The following DLGAP2 variants were observed in gnomAD, a reference collection of about 807,000 sequenced individuals.
DLGAP2 encodes DLG associated protein 2.
In DLGAP2, 26 loss-of-function variants were observed where a neutral mutation model predicts 100.3. The ratio of observed to expected loss-of-function variants is 0.26; its 90% CI spans 0.19 to 0.36. The LOEUF (loss-of-function observed/expected upper bound fraction) is 0.36. Among genes scored for constraint, DLGAP2 ranks in the 10% least tolerant of loss-of-function variants. The probability of loss-of-function intolerance (pLI) is 1.00; values close to 1 mark genes in which losing one functional copy is unlikely to be tolerated. For missense variants in DLGAP2, 1,858 were observed against 1,453.2 expected, an observed-to-expected ratio of 1.28 and a Z score of -4.53; for synonymous variants, 886 against 630.1, an observed-to-expected ratio of 1.41 and a Z score of -6.08.
At chr8:1,465,883 G>A (rs141705006) in intron 3 of DLGAP2, among the ~76,000 whole-genome samples, 1 of 152,222 alleles carries the variant, frequency 6.6e-6, no homozygotes, top group East Asian at 1.9e-4. Context: ...AGGTGGGTCA[G>A]AGAATGTCTT....
At chr8:941,350 G>C (rs1297614066) in intron 2 of DLGAP2, among the ~76,000 whole-genome samples, 1 of 152,046 alleles carries the variant, frequency 6.6e-6, no homozygotes, top group Non-Finnish European at 1.5e-5. Flanking sequence ...GATGTACCAG[G>C]GTCATGTCCC....
chr8:1,201,139 G>A (rs1298248841), intron 2 of DLGAP2, among the ~76,000 whole-genome samples: 2 of 152,198 alleles, frequency 1.3e-5, no homozygotes, highest in Admixed American at 1.3e-4. Context: ...AGGAAGAGGA[G>A]GATGCCACGG....
intron 1 of DLGAP2, among the ~76,000 whole-genome samples, chr8:786,767 C>G (rs1585862171): frequency 6.6e-6 from 1 of 151,638 alleles, no homozygotes; most frequent in Non-Finnish European, 1.5e-5. Flanking sequence ...TAAACTTTTA[C>G]AAATGGTATG....
At chr8:907,029 A>G (rs1409031302) in intron 1 of DLGAP2, among the ~76,000 whole-genome samples, 7 of 152,160 alleles carry the variant, frequency 4.6e-5, no homozygotes, top group Non-Finnish European at 1.5e-5. Context: ...CATTGCATTT[A>G]TGAGAGCCTG....
intron 3 of DLGAP2, among the ~76,000 whole-genome samples, chr8:1,299,105 T>C (rs1800266508): frequency 6.6e-6 from 1 of 152,182 alleles, no homozygotes; most frequent in African/African-American, 2.4e-5. Flanking sequence ...ATTACTGACA[T>C]CTAAATGTGT....
chr8:1,657,686 T>A (rs952231689), intron 8 of DLGAP2, among the ~76,000 whole-genome samples: 1 of 152,252 alleles, frequency 6.6e-6, no homozygotes, highest in Non-Finnish European at 1.5e-5. Context: ...TGCAGTGATA[T>A]ACTTCCATGT....
At chr8:1,283,930 G>C (rs1229372318) in intron 3 of DLGAP2, among the ~76,000 whole-genome samples, 2 of 152,206 alleles carry the variant, frequency 1.3e-5, no homozygotes, top group African/African-American at 4.8e-5. Context: ...GAAAATGCTA[G>C]AGCGTCCATC....
At chr8:1,359,451 A>C (rs575814635) in intron 3 of DLGAP2, among the ~76,000 whole-genome samples, 21 of 152,374 alleles carry the variant, frequency 1.4e-4, no homozygotes, top group African/African-American at 4.8e-4. Context: ...GAGCCCAGGA[A>C]CGTGGGCGTG....
intron 2 of DLGAP2, among the ~76,000 whole-genome samples, chr8:1,134,951 T>C (rs1056777117): frequency 7.2e-5 from 11 of 152,146 alleles, no homozygotes; most frequent in African/African-American, 2.7e-4. Flanking sequence ...GAGATTTGGG[T>C]GGGGATATCA....
chr8:1,623,321 G>A (rs566109211), intron 6 of DLGAP2, among the ~76,000 whole-genome samples: 1 of 152,288 alleles, frequency 6.6e-6, no homozygotes, highest in African/African-American at 2.4e-5. Flanking sequence ...TGGCACCAGT[G>A]TGTGATGACC....
intron 1 of DLGAP2, among the ~76,000 whole-genome samples, chr8:860,294 CTT>C (rs1797364669): frequency 6.6e-6 from 1 of 152,194 alleles, no homozygotes; most frequent in African/African-American, 2.4e-5. Flanking sequence ...AGAAAAATCT[CTT>C]TTGTGACCAA....
intron 14 of DLGAP2, among the ~76,000 whole-genome samples, chr8:1,698,459 G>A (rs967678648): frequency 3.0e-4 from 45 of 150,530 alleles, no homozygotes; most frequent in African/African-American, 1.1e-3. Context: ...AGCCATGCAT[G>A]GGACAGGTCC....
chr8:1,685,242 C>T (rs1799084326), intron 12 of DLGAP2, among the ~76,000 whole-genome samples: 1 of 152,316 alleles, frequency 6.6e-6, no homozygotes, highest in African/African-American at 2.4e-5. Context: ...AACACATGCT[C>T]CATGCAGGGC....
intron 1 of DLGAP2, among the ~76,000 whole-genome samples, chr8:831,619 T>C (rs965936858): frequency 1.4e-4 from 22 of 152,222 alleles, no homozygotes; most frequent in African/African-American, 5.3e-4. Context: ...CTATCATTGA[T>C]GGACATTTGG....
Position 1,705,986 on chromosome 8 carries a change from C to T in DLGAP2, c.*4580C>T, listed in dbSNP as rs1017854225. The T allele has an allele frequency of 6.6e-6, 1 of 152,214 alleles. No individual in the cohort carries two copies. The highest frequency in any genetic ancestry group is 1.5e-5 in the Non-Finnish European group (1 of 68,066). 9.4% of individuals were successfully genotyped at this position (152,214 alleles called of 1,614,324 possible). The stretch of plus-strand genomic sequence containing the variant: ...GCTTCATTCAGGGCCATGTGGCAGC[C>T]ATGACACACACCACATAAGGTCAGC... On this transcript the variant is annotated 3_prime_UTR_variant, in exon 15 of 15. Transcript: ENST00000637795.
At chr8:1,268,173 T>C (rs1028425021) in intron 3 of DLGAP2, among the ~76,000 whole-genome samples, 26 of 152,200 alleles carry the variant, frequency 1.7e-4, no homozygotes, top group African/African-American at 5.3e-4. Context: ...TATTCTGGCA[T>C]TGAAACAATT....
chr8:912,922 G>A (rs1481564553), intron 2 of DLGAP2, among the ~76,000 whole-genome samples: 1 of 152,242 alleles, frequency 6.6e-6, no homozygotes, highest in Non-Finnish European at 1.5e-5. Flanking sequence ...CTTCCTCTCT[G>A]TGTAACTTTC....
chr8:1,268,318 T>A (rs1726790978), intron 3 of DLGAP2, among the ~76,000 whole-genome samples: 1 of 152,344 alleles, frequency 6.6e-6, no homozygotes, highest in African/African-American at 2.4e-5. Flanking sequence ...CATGCCTAAT[T>A]GTTGAATTTT....
chr8:994,609 G>A (rs548065571), intron 2 of DLGAP2, among the ~76,000 whole-genome samples: 27 of 152,252 alleles, frequency 1.8e-4, no homozygotes, highest in Non-Finnish European at 3.5e-4. Flanking sequence ...CCTAGAACAC[G>A]GTAGGTGGGA....
Sources: allele counts gnomAD v4.1 joint callset (sites outside exome capture counted in the v4.1 genomes callset), GRCh38; gene constraint gnomAD v4.1.1; transcripts MANE v1.5; gene names NCBI Gene and HGNC (gene_info 2026-07-23, HGNC 2026-07-21).